SLC26A5: variants seen among roughly 807,000 people sequenced by gnomAD.
SLC26A5 encodes the protein solute carrier family 26 member 5.
SLC26A5 carries 51 observed loss-of-function variants against 81.0 expected under a neutral mutation model. The ratio of observed to expected loss-of-function variants is 0.63; its 90% CI spans 0.50 to 0.80. The LOEUF is 0.80. Among genes scored for constraint, SLC26A5 ranks in the 30% least tolerant of loss-of-function variants. The probability of loss-of-function intolerance (pLI) is 0.00; values close to 1 mark genes in which losing one functional copy is unlikely to be tolerated. For missense variants in SLC26A5, 771 were observed against 905.8 expected (o/e 0.85, Z 1.91); for synonymous variants, 325 against 332.8 (o/e 0.98, Z 0.25).
At chr7:103,396,093 G>A (rs1699904431) in intron 9 of SLC26A5, among the ~76,000 whole-genome samples, 1 of 152,200 alleles carries the variant, frequency 6.6e-6, no homozygotes, top group Non-Finnish European at 1.5e-5. Context: ...TAAGTGGCCT[G>A]CTTAAGATCA....
intron 1 of SLC26A5, chr7:103,445,394 G>A (rs892459303): frequency 3.3e-5 from 5 of 152,314 alleles, no homozygotes; most frequent in Admixed American, 6.5e-5. Context: ...ACACTGCCGC[G>A]AGCTTCGAGA....
intron 4 of SLC26A5, among the ~76,000 whole-genome samples, chr7:103,420,245 C>G (rs191080612): frequency 6.8e-6 from 1 of 147,714 alleles, no homozygotes; most frequent in African/African-American, 2.5e-5. Context: ...GTGTACTGAT[C>G]TGCAAAGTAG....
intron 9 of SLC26A5, among the ~76,000 whole-genome samples, chr7:103,393,321 A>C (rs1049376614): frequency 5.3e-5 from 8 of 152,144 alleles, no homozygotes; most frequent in Non-Finnish European, 1.2e-4. Flanking sequence ...TTTTATTTAT[A>C]AAAGGAGTAA....
intron 8 of SLC26A5, among the ~76,000 whole-genome samples, chr7:103,402,249 G>T (rs1371499251): frequency 2.0e-5 from 3 of 152,118 alleles, no homozygotes; most frequent in African/African-American, 7.2e-5. Flanking sequence ...CCTGTTATTG[G>T]TCTATTCAGG....
chr7:103,372,696 G>T (rs7777733), downstream of SLC26A5, among the ~76,000 whole-genome samples: 109,609 of 151,960 alleles, frequency 0.72, 42,579 homozygotes, highest in East Asian at 0.93. Flanking sequence ...ATATGTGGGG[G>T]TTAGTTTTCT....
At position 103,367,904 on chromosome 7, in the gene SLC26A5, G is replaced by A. The variant is rs772735743; in HGVS notation, c.2041+8904C>T. On this transcript the variant is annotated intron_variant, in intron 19 of 19. Transcript: ENST00000339444. The surrounding 1 kb of genome is among the most constrained non-coding windows in gnomAD (Gnocchi z 6.1). ...TTTCTTTTTGTTTGAAAGGTGCTGAGATTAGAAGCGTCTGCACAGAGGCTG... is the reference window on the plus strand; with the variant it reads ...TTTCTTTTTGTTTGAAAGGTGCTGAAATTAGAAGCGTCTGCACAGAGGCTG... 2 of 1,613,464 alleles carry A rather than the reference G, an allele frequency of 1.2e-6. No individual in the cohort carries two copies. Among genetic ancestry groups the A allele is most frequent in the Non-Finnish European group, 1.7e-6 (2 of 1,179,804 alleles).
At chr7:103,404,665 T>C (rs1823883780) in intron 8 of SLC26A5, among the ~76,000 whole-genome samples, 1 of 152,154 alleles carries the variant, frequency 6.6e-6, no homozygotes, top group South Asian at 2.1e-4. Flanking sequence ...TGTCTTGGGG[T>C]TGCTCTTCTT....
At chr7:103,407,118 A>G (rs1236369511) in intron 8 of SLC26A5, among the ~76,000 whole-genome samples, 2 of 152,220 alleles carry the variant, frequency 1.3e-5, no homozygotes, top group Non-Finnish European at 2.9e-5. Context: ...CACAGTTTGA[A>G]CACTGTGTTC....
intron 2 of SLC26A5, among the ~76,000 whole-genome samples, chr7:103,428,950 T>C (rs77767136): frequency 0.022 from 3,339 of 152,296 alleles, 131 homozygotes; most frequent in African/African-American, 0.075. Flanking sequence ...GATTTCTCCA[T>C]CTTGCATAAT....
chr7:103,409,996 C>T (rs1048016594), intron 7 of SLC26A5, among the ~76,000 whole-genome samples: 1 of 152,176 alleles, frequency 6.6e-6, no homozygotes, highest in African/African-American at 2.4e-5. Flanking sequence ...CATAAGCCAC[C>T]ACGCCCGGCC....
intron 9 of SLC26A5, among the ~76,000 whole-genome samples, chr7:103,396,641 A>G (rs954069336): frequency 6.6e-6 from 1 of 152,250 alleles, no homozygotes; most frequent in Non-Finnish European, 1.5e-5. Context: ...TCATAAAAAC[A>G]GAAAGATGAA....
At chr7:103,366,310 T>C in intron 19 of SLC26A5, 1 of 666,516 alleles carries the variant, frequency 1.5e-6, no homozygotes, top group South Asian at 2.0e-5. Context: ...ATCTAATAAG[T>C]AGTAGTGCTA....
At chr7:103,411,967 C>A (rs1022081832) in intron 5 of SLC26A5, among the ~76,000 whole-genome samples, 4 of 152,128 alleles carry the variant, frequency 2.6e-5, no homozygotes, top group Non-Finnish European at 4.4e-5. Flanking sequence ...GCAGTTTCCA[C>A]CTTCTGCTGA....
Position 103,374,452 on chromosome 7 carries a change from G to C in SLC26A5, c.2182C>G (p.Pro728Ala), listed in dbSNP as rs752696864. ...TTGGGCTCCAAGTCCTCCTGGGAAG[G>C]GGGAGCCGAGGCTTCCTGTTCAGCA... Reference protein sequence around the residue: ...ALAEQEASAPPSQEDLEPNAT... With the variant: ...ALAEQEASAPASQEDLEPNAT... Residue 728 changes from proline (P) to alanine (A), a missense_variant, in exon 20 of 20, where the codon CCT (proline) becomes GCT (alanine). Coordinates refer to ENST00000306312, the MANE Select transcript of SLC26A5 (RefSeq NM_198999.3). 2.5e-6 allele frequency: 4 copies of C among 1,613,098 alleles called. No individual in the cohort carries two copies. In the Admixed American group the frequency reaches 6.7e-5, roughly 27 times the overall value.
intron 11 of SLC26A5, among the ~76,000 whole-genome samples, chr7:103,390,948 C>T (rs917758826): frequency 7.2e-5 from 11 of 151,766 alleles, no homozygotes; most frequent in African/African-American, 2.4e-4. Flanking sequence ...TCACTGCAAC[C>T]TCTGCCTCCT....
rs777062823 is a variant in SLC26A5, at chr7:103,378,495, G to A, written c.1736C>T (p.Ala579Val). The change falls in exon 17 of 20, where the codon GCT (alanine) becomes GTT (valine). Residue 579 changes from alanine to valine, a missense_variant. Transcript: ENST00000306312. ...CATATTTGCATTTCCGACTTCCTTA[G>A]CGTACTTCCGCATGGCCTTTCTCCT... ...GARRKAMRKY[A>V]KEVGNANMAN... is the part of the protein sequence containing the mutation. 13 of 1,614,154 alleles carry A rather than the reference G, an allele frequency of 8.1e-6. No homozygotes were observed. The East Asian group carries it at 2.2e-4, about 28-fold the overall frequency.
At chr7:103,398,664 CA>C (rs952220286) in intron 8 of SLC26A5, among the ~76,000 whole-genome samples, 2 of 152,092 alleles carry the variant, frequency 1.3e-5, no homozygotes, top group African/African-American at 4.8e-5. Flanking sequence ...AGAAACAAAA[CA>C]AAAGGTGAGA....
intron 15 of SLC26A5, 29 bp downstream of exon 15, chr7:103,380,451 C>G: frequency 6.3e-7 from 1 of 1,588,374 alleles, no homozygotes; most frequent in East Asian, 2.2e-5. Context: ...ATGCTTACAA[C>G]CTTTTTAAGT....
chr7:103,425,466 TGAGA>T (rs997887706), intron 2 of SLC26A5, among the ~76,000 whole-genome samples: 2 of 152,012 alleles, frequency 1.3e-5, no homozygotes, highest in East Asian at 1.9e-4. Context: ...GCTTAGAATC[TGAGA>T]GAGAGAGAAA....
Sources: gnomAD v4.1 joint callset for allele counts (sites outside exome capture counted in the v4.1 genomes callset) on GRCh38, gnomAD v4.1.1 for gene constraint, Gnocchi (gnomAD v3.1) non-coding constraint, MANE v1.5 for transcripts, NCBI Gene and HGNC (gene_info 2026-07-23, HGNC 2026-07-21) for gene names.